Variants in UPP2 observed in about 807,000 individuals in gnomAD.
UPP2 encodes uridine phosphorylase 2.
Under a neutral mutation model 26.7 loss-of-function variants are expected in UPP2, and 23 were observed. The ratio of observed to expected loss-of-function variants is 0.86; its 90% confidence interval spans 0.62 to 1.22. The LOEUF (loss-of-function observed/expected upper bound fraction) is 1.22, where lower values mean the gene tolerates loss of function less well. Ranked by LOEUF, UPP2 falls within the 50% of genes most tolerant of loss-of-function variation. The pLI, the probability that UPP2 is intolerant of heterozygous loss-of-function variation, is 0.00. For synonymous variants in UPP2, 127 were observed against 141.3 expected, an observed-to-expected ratio of 0.90 and a Z score of 0.72; for missense variants, 387 against 396.7, an observed-to-expected ratio of 0.98 and a Z score of 0.21.
intron 2 of UPP2, among the ~76,000 whole-genome samples, chr2:157,995,451 G>A (rs2105458653): frequency 6.6e-6 from 1 of 152,240 alleles, no homozygotes; most frequent in East Asian, 1.9e-4. Context: ...TTTAGAGCTA[G>A]GCCCACTGAA....
chr2:158,099,521 A>C (rs115434546), upstream of UPP2, among the ~76,000 whole-genome samples: 4,436 of 152,194 alleles, frequency 0.029, 91 homozygotes, highest in Middle Eastern at 0.048. Flanking sequence ...TGTAAGGGGC[A>C]GTGTCTTCTG....
At chr2:158,101,489 C>T (rs6739192), upstream of UPP2, among the ~76,000 whole-genome samples, 15,677 of 152,142 alleles carry the variant, frequency 0.1, 1,589 homozygotes, top group African/African-American at 0.26. Flanking sequence ...TTGGATGCTT[C>T]CCTAACTTGT....
chr2:158,106,456 C>T (rs1031155525), intron 2 of UPP2, among the ~76,000 whole-genome samples: 1 of 152,044 alleles, frequency 6.6e-6, no homozygotes, highest in African/African-American at 2.4e-5. Flanking sequence ...TACTCTGGCC[C>T]CTGGAGATAA....
intron 2 of UPP2, among the ~76,000 whole-genome samples, chr2:158,006,499 A>G (rs998092611): frequency 7.3e-6 from 1 of 137,244 alleles, no homozygotes; most frequent in Admixed American, 7.5e-5. Context: ...AAAAAAAAAA[A>G]GTCCATAATT....
chr2:158,000,422 AC>A (rs1683387480), intron 2 of UPP2, among the ~76,000 whole-genome samples: 2 of 152,336 alleles, frequency 1.3e-5, no homozygotes, highest in South Asian at 4.1e-4. Context: ...ATACTGGAAA[AC>A]TGAAGGATAA....
At position 158,117,945 on chromosome 2, in the gene UPP2, C is replaced by T. The variant is rs367709635; in HGVS notation, c.454+7C>T. 208 of 1,590,578 alleles carry T rather than the reference C, an allele frequency of 1.3e-4. 2 individuals are homozygous for T. Among genetic ancestry groups the T allele is most frequent in the Non-Finnish European group, 1.7e-4 (198 of 1,158,390 alleles). ...GGTACATCAGGGGGAATAGGTGAGA[C>T]GGATTGATGTCTACTATTAGAACTG... On this transcript the variant is annotated splice_region_variant and intron_variant, in intron 4 of 6. Transcript: ENST00000005756.
chr2:158,090,342 A>T (rs2105201732), intron 3 of UPP2, among the ~76,000 whole-genome samples: 1 of 152,264 alleles, frequency 6.6e-6, no homozygotes, highest in African/African-American at 2.4e-5. Context: ...TCTACTAAAA[A>T]TACAAAAAAT....
At chr2:158,101,226 A>G (rs1274258795), upstream of UPP2, among the ~76,000 whole-genome samples, 1 of 152,230 alleles carries the variant, frequency 6.6e-6, no homozygotes, top group Non-Finnish European at 1.5e-5. Context: ...TTCTGTCCCA[A>G]AAGTGAAAAG....
At chr2:158,126,499 T>G (rs1683697085) in intron 6 of UPP2, 1 of 152,152 alleles carries the variant, frequency 6.6e-6, no homozygotes, top group African/African-American at 2.4e-5. Flanking sequence ...TTCTAAAAGG[T>G]GGATTCCTGG....
chr2:158,058,486 C>T lies in UPP2; in HGVS notation c.147+42600C>T, dbSNP rs576615411. On this transcript the variant is annotated intron_variant, in intron 3 of 9. Coordinates refer to the UPP2 transcript ENST00000605860. Reference sequence around the variant, plus strand: ...ACAGAGGAAAGGACGTGTGAGGACACAACGAGAAGGTGGTCTCCTACAAGC... The same window carrying T: ...ACAGAGGAAAGGACGTGTGAGGACATAACGAGAAGGTGGTCTCCTACAAGC... Among the ~76,000 whole-genome samples, 7 of 146,934 alleles carry T rather than the reference C, an allele frequency of 4.8e-5. No homozygotes were observed. The East Asian group carries it at 8.3e-4, about 17-fold the overall frequency.
chr2:158,083,610 T>G (rs539240366), intron 3 of UPP2, among the ~76,000 whole-genome samples: 1 of 151,886 alleles, frequency 6.6e-6, no homozygotes, highest in Non-Finnish European at 1.5e-5. Flanking sequence ...ATGTAGATGA[T>G]GAGTTGATGG....
chr2:158,104,896 G>C (rs1476900211), intron 1 of UPP2, among the ~76,000 whole-genome samples: 2 of 146,526 alleles, frequency 1.4e-5, no homozygotes, highest in African/African-American at 2.5e-5. Flanking sequence ...ACTCCAGCCT[G>C]GGTGACAGAG....
At chr2:158,064,297 G>A (rs1467162614) in intron 3 of UPP2, among the ~76,000 whole-genome samples, 38 of 152,212 alleles carry the variant, frequency 2.5e-4, no homozygotes, top group Non-Finnish European at 5.0e-4. Flanking sequence ...TCTAACTGGT[G>A]TGAGATGGTA....
rs74924675 is a variant in UPP2 at position 158,102,039 on chromosome 2, G to A, written c.-25G>A. 3.5e-5 allele frequency: 57 copies of A among 1,611,818 alleles called. 1 individual carries two copies. The South Asian group carries it at 6.2e-4, about 17-fold the overall frequency. On this transcript the variant is annotated 5_prime_UTR_variant, in exon 1 of 7. Coordinates refer to ENST00000005756, the MANE Select transcript of UPP2 (RefSeq NM_173355.4). ...TCTCTCTTTCTTGACATCAATTTAA[G>A]GTGACTTTTCACATAGTAGAGAGAA...
intron 3 of UPP2, among the ~76,000 whole-genome samples, chr2:158,029,885 C>T (rs1683898394): frequency 6.7e-6 from 1 of 150,250 alleles, no homozygotes. Flanking sequence ...TTATAGAGAA[C>T]ATCTTACAAA....
intron 3 of UPP2, among the ~76,000 whole-genome samples, chr2:158,035,655 C>T (rs1202957242): frequency 6.6e-6 from 1 of 152,166 alleles, no homozygotes; most frequent in Non-Finnish European, 1.5e-5. Context: ...CTGGGAATTG[C>T]TTTATGGGTG....
chr2:158,134,045 GAGTTTCA>G (rs1683878961), intron 6 of UPP2: 1 of 152,144 alleles, frequency 6.6e-6, no homozygotes, highest in African/African-American at 2.4e-5. Flanking sequence ...TCAAAAATAA[GAGTTTCA>G]TTTTTTAAAA....
intron 3 of UPP2, among the ~76,000 whole-genome samples, chr2:158,036,096 A>T (rs1248807723): frequency 3.3e-5 from 5 of 152,228 alleles, no homozygotes; most frequent in Non-Finnish European, 7.3e-5. Flanking sequence ...GGAAAGTAGC[A>T]GTGATGATTT....
intron 3 of UPP2, among the ~76,000 whole-genome samples, chr2:158,040,686 A>G (rs895201716): frequency 6.6e-6 from 1 of 152,146 alleles, no homozygotes; most frequent in African/African-American, 2.4e-5. Flanking sequence ...CTTCCTCTCA[A>G]TGGAGGTTGC....
Sources: allele counts gnomAD v4.1 joint callset (sites outside exome capture counted in the v4.1 genomes callset), GRCh38; gene constraint gnomAD v4.1.1; transcripts MANE v1.5; gene names NCBI Gene and HGNC (gene_info 2026-07-23, HGNC 2026-07-21).